TLK2: variants seen among roughly 807,000 people sequenced by gnomAD.
The protein encoded by TLK2 is serine/threonine-protein kinase tousled-like 2.
TLK2 carries 6 observed loss-of-function variants against 117.3 expected under a neutral mutation model. The ratio of observed to expected loss-of-function variants is 0.05; its 90% confidence interval spans 0.03 to 0.10. TLK2 has a LOEUF of 0.10. Ranked by LOEUF, TLK2 falls within the 10% of genes least tolerant of loss-of-function variation. TLK2 has a pLI of 1.00. For missense variants in TLK2, 299 were observed against 901.2 expected, an observed-to-expected ratio of 0.33 and a Z score of 8.56; for synonymous variants, 257 against 316.7, an observed-to-expected ratio of 0.81 and a Z score of 2.00.
At chr17:62,535,792 GAAAAAAGAAAA>G (rs989979612) in intron 6 of TLK2, among the ~76,000 whole-genome samples, 3 of 149,484 alleles carry the variant, frequency 2.0e-5, no homozygotes, top group South Asian at 2.3e-4. Context: ...AAAGAAAAAA[GAAAAAAGAAAA>G]AAAAGTCATG....
At position 62,614,728 on chromosome 17, in the gene TLK2, C is replaced by A. The variant is rs1277528257; in HGVS notation, c.*2163C>A. The A allele has an allele frequency of 6.6e-6, 1 of 152,144 alleles. No individual in the cohort carries two copies. The highest frequency in any genetic ancestry group is 1.5e-5 in the Non-Finnish European group (1 of 68,018). The allele number at this position is 152,144 out of a possible 1,614,324, so 9.4% of individuals were successfully genotyped here. On this transcript the variant is annotated 3_prime_UTR_variant, in exon 22 of 22. Transcript: ENST00000346027. ...TACAATTTATATGTATATACACATG[C>A]ACATATAAACGTGTGCATTTATGTA...
In TLK2 at chr17:62,540,875, C is replaced by T. The variant is rs958315386; in HGVS notation, c.531+4538C>T. On this transcript the variant is annotated intron_variant, in intron 7 of 21. Transcript: ENST00000346027. ...AAGTCCAGTCATGCCACTCCCCTGTCGAAAAGTCCTTAAAGTGGCCCTGCA... is the reference window on the plus strand; with the variant it reads ...AAGTCCAGTCATGCCACTCCCCTGTTGAAAAGTCCTTAAAGTGGCCCTGCA... Among the ~76,000 whole-genome samples the T allele has an allele frequency of 7.9e-5, 12 of 152,248 alleles. No homozygotes were observed. The South Asian group carries it at 1.7e-3, about 21-fold the overall frequency.
chr17:62,587,678 G>A (rs1381005727), intron 16 of TLK2, among the ~76,000 whole-genome samples: 2 of 152,182 alleles, frequency 1.3e-5, no homozygotes, highest in Non-Finnish European at 1.5e-5. Flanking sequence ...CACCCTGCGT[G>A]TGTTTCTTAG....
At chr17:62,536,133 T>C in intron 6 of TLK2, 37 bp from the exon 7 acceptor site, 1 of 1,595,812 alleles carries the variant, frequency 6.3e-7, no homozygotes, top group Non-Finnish European at 8.6e-7. Context: ...AGATTATCTT[T>C]CTCATGTCAT....
At chr17:62,579,066 A>C (rs1480080755) in intron 14 of TLK2, among the ~76,000 whole-genome samples, 1 of 152,242 alleles carries the variant, frequency 6.6e-6, no homozygotes, top group Non-Finnish European at 1.5e-5. Flanking sequence ...TGGGAAAAGT[A>C]GGTTGAAAGT....
chr17:62,609,106 G>C (rs1263014415), intron 21 of TLK2, among the ~76,000 whole-genome samples: 1 of 152,204 alleles, frequency 6.6e-6, no homozygotes, highest in African/African-American at 2.4e-5. Flanking sequence ...GTTTGAGACA[G>C]AGTCTCACTC....
chr17:62,582,174 T>C (rs1297769582), intron 15 of TLK2, among the ~76,000 whole-genome samples: 1 of 152,238 alleles, frequency 6.6e-6, no homozygotes. Context: ...TATTGATATA[T>C]TCAGATTTTC....
rs1367834129 is a variant in TLK2, at chr17:62,612,381, C to G, written c.2080-11C>G. The G allele has an allele frequency of 6.2e-7, 1 of 1,611,398 alleles. No individual in the cohort carries two copies. The highest frequency in any genetic ancestry group is 1.3e-5 in the African/African-American group (1 of 74,878). ...TATCTGCCTCTGTCTTCAAGAAACT[C>G]TCCTTTGCAGGCGTTTATTCGACGA... On this transcript the variant is annotated splice_polypyrimidine_tract_variant and intron_variant, in intron 21 of 21. Transcript: ENST00000346027.
At chr17:62,544,460 G>A (rs1013901797) in intron 7 of TLK2, among the ~76,000 whole-genome samples, 3 of 152,064 alleles carry the variant, frequency 2.0e-5, no homozygotes, top group African/African-American at 7.2e-5. Flanking sequence ...AACAGCAAGG[G>A]GGAAATATGC....
chr17:62,523,307 G>C, intron 5 of TLK2, 130 bp downstream of exon 5: 2 of 1,264,282 alleles, frequency 1.6e-6, no homozygotes, highest in Admixed American at 6.0e-5. Flanking sequence ...GGCCAGGCGA[G>C]GTGGCTTATG....
chr17:62,512,861 AATTATTATTATTATT>A (rs35048188), intron 2 of TLK2, among the ~76,000 whole-genome samples: 1 of 141,166 alleles, frequency 7.1e-6, no homozygotes, highest in Admixed American at 7.2e-5. Context: ...AAAATTTATT[AATTATTATTATTATT>A]ATTATTATTA....
intron 2 of TLK2, among the ~76,000 whole-genome samples, chr17:62,503,052 CTTTTT>C (rs535547546): frequency 3.4e-5 from 3 of 87,128 alleles, no homozygotes; most frequent in African/African-American, 4.4e-5. Flanking sequence ...TTTGGCTTAA[CTTTTT>C]TTTTTTTTTT....
chr17:62,478,421 G>A (rs1021232794), upstream of TLK2, among the ~76,000 whole-genome samples: 2 of 150,188 alleles, frequency 1.3e-5, no homozygotes, highest in African/African-American at 4.9e-5. Context: ...AACCGCCCCG[G>A]CCCGGGCCAG....
intron 14 of TLK2, 126 bp downstream of exon 14, chr17:62,578,700 T>C (rs2080993577): frequency 3.0e-6 from 2 of 673,968 alleles, no homozygotes; most frequent in Non-Finnish European, 4.9e-6. Flanking sequence ...TATTTAGCTC[T>C]TTTGTAGCAT....
At chr17:62,609,761 A>G (rs1373255740) in intron 21 of TLK2, among the ~76,000 whole-genome samples, 2 of 152,226 alleles carry the variant, frequency 1.3e-5, no homozygotes, top group Non-Finnish European at 2.9e-5. Context: ...TAGGCAAGTT[A>G]AACCTTTTAA....
At chr17:62,592,581 C>G (rs1040684756) in intron 16 of TLK2, among the ~76,000 whole-genome samples, 1 of 152,142 alleles carries the variant, frequency 6.6e-6, no homozygotes, top group Non-Finnish European at 1.5e-5. Context: ...AGGCTACACA[C>G]CTGTATAGCA....
chr17:62,602,918 T>G (rs2147196701), intron 19 of TLK2, among the ~76,000 whole-genome samples: 1 of 152,238 alleles, frequency 6.6e-6, no homozygotes, highest in African/African-American at 2.4e-5. Context: ...CCTCTTCCAT[T>G]TTGAGGTGGT....
intron 21 of TLK2, chr17:62,612,077 T>TC (rs1363726375): frequency 5.2e-6 from 1 of 192,562 alleles, no homozygotes; most frequent in African/African-American, 2.3e-5. Context: ...AAGAGAGATT[T>TC]TTTTTTTTTC....
At chr17:62,530,560 C>T (rs2145727451) in intron 6 of TLK2, among the ~76,000 whole-genome samples, 1 of 152,272 alleles carries the variant, frequency 6.6e-6, no homozygotes, top group Non-Finnish European at 1.5e-5. Context: ...AAAATAATGT[C>T]CCCAGAACAC....
Sources: gnomAD v4.1 joint callset for allele counts (sites outside exome capture counted in the v4.1 genomes callset) on GRCh38, gnomAD v4.1.1 for gene constraint, MANE v1.5 for transcripts, NCBI Gene and HGNC (gene_info 2026-07-23, HGNC 2026-07-21) for gene names.